The following CYP7B1 variants were observed in gnomAD, a reference collection of about 807,000 sequenced individuals.
CYP7B1 encodes cytochrome P450 family 7 subfamily B member 1.
A neutral mutation model predicts 42.7 loss-of-function variants in CYP7B1; 29 were observed. The observed-to-expected ratio is 0.68, with a 90% CI of 0.51 to 0.93. CYP7B1 has a LOEUF of 0.93. Among genes scored for constraint, CYP7B1 ranks in the 40% least tolerant of loss-of-function variants. The probability of loss-of-function intolerance (pLI) is 0.00; values close to 1 mark genes in which losing one functional copy is unlikely to be tolerated. For synonymous variants in CYP7B1, 235 were observed against 218.2 expected (o/e 1.08, Z -0.68); for missense variants, 655 against 600.5 (o/e 1.09, Z -0.95).
chr8:64,614,444 T>C lies in CYP7B1; in HGVS notation c.1057+582A>G, dbSNP rs1463978978. On this transcript the variant is annotated intron_variant, in intron 4 of 5. Coordinates refer to ENST00000310193, the MANE Select transcript of CYP7B1 (RefSeq NM_004820.5). The stretch of plus-strand genomic sequence containing the variant: ...TTTTCCTTTTCTTTTTCTCCCTTTC[T>C]CTCTTCCTTCCTTCCCTCTGTCCCT... Among the ~76,000 whole-genome samples, 8 of 152,154 alleles carry C rather than the reference T, an allele frequency of 5.3e-5. No homozygotes were observed. In the South Asian group the frequency reaches 1.7e-3, roughly 31 times the overall value.
At chr8:64,603,923 A>T (rs1003166139) in intron 5 of CYP7B1, among the ~76,000 whole-genome samples, 3 of 152,234 alleles carry the variant, frequency 2.0e-5, no homozygotes, top group African/African-American at 7.2e-5. Flanking sequence ...TTTCCCTTTG[A>T]AAAAAGGCAT....
intron 4 of CYP7B1, among the ~76,000 whole-genome samples, chr8:64,612,169 G>C (rs1805372795): frequency 6.6e-6 from 1 of 151,816 alleles, no homozygotes; most frequent in African/African-American, 2.4e-5. Context: ...TAAACCCGCA[G>C]TTCTAAATCC....
intron 1 of CYP7B1, chr8:64,704,076 T>C (rs1806956997): frequency 6.6e-6 from 1 of 152,046 alleles, no homozygotes; most frequent in Admixed American, 6.6e-5. Flanking sequence ...CCATGATAAG[T>C]TGTTAGAAGT....
intron 1 of CYP7B1, among the ~76,000 whole-genome samples, chr8:64,675,894 C>A (rs1806438530): frequency 6.6e-6 from 1 of 152,112 alleles, no homozygotes; most frequent in Admixed American, 6.5e-5. Context: ...ATATTCTGCA[C>A]TTTTCTACAT....
intron 1 of CYP7B1, among the ~76,000 whole-genome samples, chr8:64,789,543 C>T (rs1804584004): frequency 6.6e-6 from 1 of 152,180 alleles, no homozygotes; most frequent in Non-Finnish European, 1.5e-5. Context: ...TGTGGGCATG[C>T]CCTCCACTTC....
In CYP7B1 at chr8:64,592,660, T is replaced by C. The variant is rs1471303860; in HGVS notation, c.*3982A>G. Reference sequence around the variant, plus strand: ...GAGCAATTTTTTAAAGGCACAACACTGTTGAAGTATCTTCATTAAACTTTG... The same window carrying C: ...GAGCAATTTTTTAAAGGCACAACACCGTTGAAGTATCTTCATTAAACTTTG... On this transcript the variant is annotated 3_prime_UTR_variant, in exon 6 of 6. Transcript: ENST00000310193. Among the ~76,000 whole-genome samples the C allele has an allele frequency of 2.6e-5, 4 of 152,378 alleles. No homozygotes were observed. The highest frequency in any genetic ancestry group is 1.9e-4 in the East Asian group (1 of 5,190).
intron 1 of CYP7B1, among the ~76,000 whole-genome samples, chr8:64,779,680 G>T (rs1804387024): frequency 6.6e-6 from 1 of 152,078 alleles, no homozygotes; most frequent in African/African-American, 2.4e-5. Flanking sequence ...CTAATAAAAA[G>T]CACTGCTTTC....
chr8:64,676,524 C>A (rs1054272238), intron 1 of CYP7B1, among the ~76,000 whole-genome samples: 1 of 151,982 alleles, frequency 6.6e-6, no homozygotes. Flanking sequence ...AAATTTTGTC[C>A]TATTAATTAT....
At chr8:64,634,738 G>A (rs1489478008) in intron 1 of CYP7B1, among the ~76,000 whole-genome samples, 1 of 152,056 alleles carries the variant, frequency 6.6e-6, no homozygotes, top group East Asian at 1.9e-4. Flanking sequence ...ACATTCCTAA[G>A]TCAATTAAGT....
chr8:64,777,045 T>A (rs1345717401), intron 1 of CYP7B1, among the ~76,000 whole-genome samples: 1 of 152,072 alleles, frequency 6.6e-6, no homozygotes, highest in Non-Finnish European at 1.5e-5. Flanking sequence ...TAAATGTGCA[T>A]GCTTTTTTCT....
downstream of CYP7B1, chr8:64,589,949 T>C (rs183044152): frequency 3.3e-5 from 5 of 152,292 alleles, no homozygotes; most frequent in Admixed American, 3.3e-4. Flanking sequence ...CAACAGTAAA[T>C]AATTAACAAT....
chr8:64,711,192 C>G (rs1347594576), intron 1 of CYP7B1, among the ~76,000 whole-genome samples: 1 of 152,182 alleles, frequency 6.6e-6, no homozygotes, highest in Non-Finnish European at 1.5e-5. Context: ...GCCCTTAACT[C>G]TAATGATAGT....
chr8:64,792,658 G>A (rs1467757610), intron 1 of CYP7B1, among the ~76,000 whole-genome samples: 1 of 152,150 alleles, frequency 6.6e-6, no homozygotes, highest in Non-Finnish European at 1.5e-5. Context: ...TCTCAGGAGT[G>A]AATCTCTGTG....
In CYP7B1 at chr8:64,616,313, G is replaced by A. The variant is rs533987466; in HGVS notation, c.260-32C>T. 63 of 1,323,000 alleles carry A rather than the reference G, an allele frequency of 4.8e-5. No homozygotes were observed. In the South Asian group the frequency reaches 5.1e-4, roughly 11 times the overall value. 82.0% of individuals were successfully genotyped at this position (1,323,000 alleles called of 1,614,324 possible). On this transcript the variant is annotated intron_variant, in intron 2 of 5. Coordinates refer to ENST00000310193, the MANE Select transcript of CYP7B1 (RefSeq NM_004820.5). ...AAAAAAAAAGAGAGAGAAAATATGA[G>A]TTCGTTTGTTAATAAAACAGAAATA...
At chr8:64,677,715 T>TG (rs1806471546) in intron 1 of CYP7B1, among the ~76,000 whole-genome samples, 1 of 148,626 alleles carries the variant, frequency 6.7e-6, no homozygotes, top group African/African-American at 2.5e-5. Context: ...GGTTTTTTTT[T>TG]TTTTTTTTTT....
intron 1 of CYP7B1, among the ~76,000 whole-genome samples, chr8:64,782,101 C>A (rs1377158639): frequency 1.3e-5 from 2 of 152,090 alleles, no homozygotes; most frequent in African/African-American, 4.8e-5. Flanking sequence ...AATTTTGGAT[C>A]CATGTTCATT....
chr8:64,621,734 A>ATTTTTT (rs201366655), intron 2 of CYP7B1, among the ~76,000 whole-genome samples: 2 of 132,614 alleles, frequency 1.5e-5, no homozygotes. Flanking sequence ...AATGCATACA[A>ATTTTTT]TTTTTTTTTT....
At chr8:64,680,550 C>T (rs1333081944) in intron 1 of CYP7B1, among the ~76,000 whole-genome samples, 1 of 146,386 alleles carries the variant, frequency 6.8e-6, no homozygotes, top group African/African-American at 2.6e-5. Flanking sequence ...AAAGTGTCTA[C>T]AACTTCTAAG....
chr8:64,731,669 G>C (rs1478963524), intron 1 of CYP7B1, among the ~76,000 whole-genome samples: 2 of 152,214 alleles, frequency 1.3e-5, no homozygotes, highest in Non-Finnish European at 2.9e-5. Flanking sequence ...AATGTCTCCA[G>C]GGCATGTCGG....
Sources: gnomAD v4.1 joint callset for allele counts (sites outside exome capture counted in the v4.1 genomes callset) on GRCh38, gnomAD v4.1.1 for gene constraint, MANE v1.5 for transcripts, NCBI Gene and HGNC (gene_info 2026-07-23, HGNC 2026-07-21) for gene names.